BRINP3: variants seen among roughly 807,000 people sequenced by gnomAD.
The protein encoded by BRINP3 is BMP/retinoic acid inducible neural specific 3.
In BRINP3, 19 loss-of-function variants were observed where a neutral mutation model predicts 71.0. That is an observed-to-expected ratio of 0.27 (90% CI 0.19 to 0.39). The LOEUF (loss-of-function observed/expected upper bound fraction) is 0.39, where lower values mean the gene tolerates loss of function less well. BRINP3 is among the 10% of genes least tolerant of loss of function. The pLI is 1.00. For synonymous variants in BRINP3, 380 were observed against 337.7 expected (o/e 1.13, Z -1.37); for missense variants, 959 against 940.8 (o/e 1.02, Z -0.25).
chr1:190,318,321 C>A (rs894114062), intron 2 of BRINP3, among the ~76,000 whole-genome samples: 3 of 151,994 alleles, frequency 2.0e-5, no homozygotes, highest in East Asian at 1.9e-4. Flanking sequence ...TGTAATGATT[C>A]TTGATTTGAT....
At chr1:190,465,471 G>T (rs1361572209) in intron 1 of BRINP3, among the ~76,000 whole-genome samples, 1 of 151,750 alleles carries the variant, frequency 6.6e-6, no homozygotes, top group Non-Finnish European at 1.5e-5. Context: ...AGTTTTATTT[G>T]AATCTTCACC....
At chr1:190,402,796 A>G (rs911316100) in intron 2 of BRINP3, among the ~76,000 whole-genome samples, 1 of 152,068 alleles carries the variant, frequency 6.6e-6, no homozygotes, top group Non-Finnish European at 1.5e-5. Context: ...CCATGGTGCC[A>G]TCATGGCTCC....
At chr1:190,278,872 A>C (rs898757512) in intron 3 of BRINP3, among the ~76,000 whole-genome samples, 9 of 151,600 alleles carry the variant, frequency 5.9e-5, no homozygotes, top group South Asian at 2.1e-4. Context: ...CAAAAAAAAA[A>C]CATGCAAAAC....
rs780363640 is a variant in BRINP3 at position 190,098,477 on chromosome 1, C to G, written c.1842G>C (p.Leu614=). ...CAAAAAATGTCTTCCATTTGTTCCCCAGAGTTAATGTCCAGTTATAACACT... is the reference window on the plus strand; with the variant it reads ...CAAAAAATGTCTTCCATTTGTTCCCGAGAGTTAATGTCCAGTTATAACACT... ...PLQCYNWTLT[L]GNKWKTFFET... is the part of the protein sequence containing the mutation. The change falls in exon 8 of 8, where the codon CTG becomes CTC. Residue 614 remains leucine (L), a synonymous_variant. Transcript: ENST00000367462. 1.2e-6 allele frequency: 2 copies of G among 1,613,964 alleles called. No individual in the cohort carries two copies. Among genetic ancestry groups the G allele is most frequent in the African/African-American group, 2.7e-5 (2 of 74,888 alleles).
At chr1:190,173,628 C>T (rs1031381422) in intron 6 of BRINP3, among the ~76,000 whole-genome samples, 7 of 152,132 alleles carry the variant, frequency 4.6e-5, no homozygotes, top group Non-Finnish European at 8.8e-5. Context: ...GAACCCTTTA[C>T]ATTCTTAGAA....
chr1:190,177,791 T>C (rs1652676377), intron 6 of BRINP3, among the ~76,000 whole-genome samples: 1 of 152,184 alleles, frequency 6.6e-6, no homozygotes. Flanking sequence ...TGGAATGTTA[T>C]TTCACACGCA....
At chr1:190,104,154 A>G (rs955150770) in intron 7 of BRINP3, among the ~76,000 whole-genome samples, 1 of 152,036 alleles carries the variant, frequency 6.6e-6, no homozygotes, top group Non-Finnish European at 1.5e-5. Context: ...ACCTCAGGGA[A>G]AACAGTCATT....
chr1:190,330,584 G>T (rs1666899738), intron 2 of BRINP3, among the ~76,000 whole-genome samples: 1 of 151,938 alleles, frequency 6.6e-6, no homozygotes, highest in Admixed American at 6.6e-5. Context: ...AGTTCTCAAA[G>T]AACTTAAAAT....
intron 6 of BRINP3, among the ~76,000 whole-genome samples, chr1:190,201,777 A>G (rs1360982947): frequency 6.6e-6 from 1 of 152,118 alleles, no homozygotes; most frequent in Non-Finnish European, 1.5e-5. Context: ...CAGCTTTCCC[A>G]TGGTTTTCGG....
intron 3 of BRINP3, among the ~76,000 whole-genome samples, chr1:190,269,155 T>C (rs1661895692): frequency 6.6e-6 from 1 of 152,074 alleles, no homozygotes. Flanking sequence ...AAATAACAAG[T>C]ACATGTGGAA....
chr1:190,398,573 G>A (rs1320654904), intron 2 of BRINP3, among the ~76,000 whole-genome samples: 3 of 151,826 alleles, frequency 2.0e-5, no homozygotes, highest in African/African-American at 7.3e-5. Context: ...ATGATTGCTA[G>A]CAAATAGGCT....
At chr1:190,158,774 GA>G (rs1321401044) in intron 7 of BRINP3, among the ~76,000 whole-genome samples, 1 of 147,172 alleles carries the variant, frequency 6.8e-6, no homozygotes, top group Non-Finnish European at 1.5e-5. Context: ...AACTAAAAAT[GA>G]AAAAAATAAT....
chr1:190,315,000 C>G (rs1320129773), intron 2 of BRINP3, among the ~76,000 whole-genome samples: 2 of 152,000 alleles, frequency 1.3e-5, no homozygotes, highest in African/African-American at 4.8e-5. Flanking sequence ...AGATAAGTGA[C>G]ATAAGGTATG....
intron 2 of BRINP3, among the ~76,000 whole-genome samples, chr1:190,388,626 G>A (rs1266100584): frequency 6.6e-6 from 1 of 151,688 alleles, no homozygotes; most frequent in Middle Eastern, 3.2e-3. Flanking sequence ...GAGAGAATGT[G>A]GCCCCACAGA....
chr1:190,243,434 A>G (rs553374663), intron 4 of BRINP3, among the ~76,000 whole-genome samples: 1 of 152,250 alleles, frequency 6.6e-6, no homozygotes, highest in South Asian at 2.1e-4. Context: ...AATTGCATGA[A>G]TATACATTTA....
At chr1:190,171,967 C>T (rs1174570898) in intron 6 of BRINP3, among the ~76,000 whole-genome samples, 1 of 150,586 alleles carries the variant, frequency 6.6e-6, no homozygotes. Context: ...TTTAATTAGC[C>T]AGTTGTGGCT....
At chr1:190,162,105 AAAAAG>A (rs1282109523) in intron 6 of BRINP3, among the ~76,000 whole-genome samples, 17 of 152,312 alleles carry the variant, frequency 1.1e-4, no homozygotes, top group Admixed American at 1.1e-3. Flanking sequence ...TTTTTACAGA[AAAAAG>A]AAAAGAGAAA....
At chr1:190,322,994 A>G (rs1333694741) in intron 2 of BRINP3, among the ~76,000 whole-genome samples, 10 of 152,024 alleles carry the variant, frequency 6.6e-5, no homozygotes, top group Non-Finnish European at 1.2e-4. Context: ...TAACTTGACC[A>G]TATTGTACTT....
intron 4 of BRINP3, 91 bp from the exon 5 acceptor site, chr1:190,234,568 T>C: frequency 1.1e-6 from 1 of 891,918 alleles, no homozygotes; most frequent in Non-Finnish European, 1.8e-6. Flanking sequence ...ATATTATACG[T>C]TTGACAGTAA....
Sources: allele counts gnomAD v4.1 joint callset (sites outside exome capture counted in the v4.1 genomes callset), GRCh38; gene constraint gnomAD v4.1.1; transcripts MANE v1.5; gene names NCBI Gene and HGNC (gene_info 2026-07-23, HGNC 2026-07-21).